Variants in TEX30 observed in about 807,000 individuals in gnomAD.
TEX30 encodes testis-expressed protein 30.
In TEX30, 14 loss-of-function variants were observed where a neutral mutation model predicts 23.8. The ratio of observed to expected loss-of-function variants is 0.59; its 90% CI spans 0.39 to 0.92. The LOEUF is 0.92. Ranked by LOEUF, TEX30 falls within the 40% of genes least tolerant of loss-of-function variation. The pLI is 0.00. For synonymous variants in TEX30, 78 were observed against 90.2 expected (o/e 0.87, Z 0.76); for missense variants, 246 against 270.6 (o/e 0.91, Z 0.64).
Position 102,767,314 on chromosome 13 carries a change from C to T in TEX30, c.463G>A (p.Val155Ile), listed in dbSNP as rs1566425477. ...TCTGCTGAGCCTGACACAAACAGTA[C>T]AGGCTCTTTTAAACGAAAGAGGTCT... ...DEDLFRLKEPVLFVSGSADEM... is the reference protein window; with the variant it reads ...DEDLFRLKEPILFVSGSADEM... Residue 155 changes from valine (V) to isoleucine (I), a missense_variant, in exon 5 of 6, where the codon GTA becomes ATA. Val to Ile is a conservative substitution (Grantham distance 29). Coordinates refer to ENST00000376032, the MANE Select transcript of TEX30 (RefSeq NM_138779.5). 1.2e-6 allele frequency: 2 copies of T among 1,613,994 alleles called. No homozygotes were observed. Among genetic ancestry groups the T allele is most frequent in the Admixed American group, 1.7e-5 (1 of 60,030 alleles).
chr13:102,770,391 A>C (rs573801032), intron 1 of TEX30: 6 of 165,252 alleles, frequency 3.6e-5, no homozygotes, highest in Non-Finnish European at 7.8e-5. Context: ...ATAAATACAC[A>C]TTTTTGTAAG....
Position 102,767,285 on chromosome 13 carries a change from T to A in TEX30, c.492A>T (p.Glu164Asp). ...AGTTATAATTCACCTTTTCACACAT[T>A]TCATCTGCTGAGCCTGACACAAACA... ...PVLFVSGSAD[E>D]MCEKNLLEKV... The change falls in exon 5 of 6, where the codon GAA (glutamate) becomes GAT (aspartate). Residue 164 changes from glutamate (E) to aspartate (D), a missense_variant. By Grantham distance (45) the Glu-to-Asp change is conservative. Coordinates refer to ENST00000376032, the MANE Select transcript of TEX30 (RefSeq NM_138779.5). 6.2e-7 allele frequency: 1 copy of A among 1,613,542 alleles called. No individual in the cohort carries two copies. Among genetic ancestry groups the A allele is most frequent in the Non-Finnish European group, 8.5e-7 (1 of 1,179,870 alleles).
At position 102,766,124 on chromosome 13, in the gene TEX30, T is replaced by C. The variant is rs1029166473; in HGVS notation, c.*277A>G. 2.9e-5 allele frequency: 6 copies of C among 208,066 alleles called. No homozygotes were observed. Among genetic ancestry groups the C allele is most frequent in the Non-Finnish European group, 5.7e-5 (6 of 105,472 alleles). The allele number at this position is 208,066 out of a possible 1,614,324, so 12.9% of individuals were successfully genotyped here. On this transcript the variant is annotated 3_prime_UTR_variant, in exon 6 of 6. Transcript: ENST00000376032. ...ACAAAAGCACCTTTTTGTAACAAAA[T>C]TCAGATGTTTAATTTTTTTCAAAAC... is the stretch of plus-strand genomic sequence containing the variant.
intron 3 of TEX30, 71 bp downstream of exon 3, chr13:102,769,240 A>C: frequency 8.6e-7 from 1 of 1,156,434 alleles, no homozygotes; most frequent in Non-Finnish European, 1.2e-6. Flanking sequence ...TGACTAATAA[A>C]ATTTATCTTA....
chr13:102,769,612 T>C (rs1171860886), intron 2 of TEX30, 71 bp from the exon 3 acceptor site: 2 of 904,456 alleles, frequency 2.2e-6, no homozygotes, highest in Non-Finnish European at 3.4e-6. Context: ...CAGCTATATA[T>C]ATGTTTGCTC....
intron 5 of TEX30, among the ~76,000 whole-genome samples, 182 bp from the exon 6 acceptor site, chr13:102,766,762 G>A (rs1876917040): frequency 6.6e-6 from 1 of 152,154 alleles, no homozygotes; most frequent in Non-Finnish European, 1.5e-5. Context: ...ACTTCTCTCA[G>A]CTGTAGCAGT....
Position 102,769,991 on chromosome 13 carries a change from CAG to C in TEX30, c.15+19_15+20del. 1 of 1,441,090 alleles carries C rather than the reference CAG, an allele frequency of 6.9e-7. No homozygotes were observed. The highest frequency in any genetic ancestry group is 9.1e-7 in the Non-Finnish European group (1 of 1,094,620). The allele number at this position is 1,441,090 out of a possible 1,614,324, so 89.3% of individuals were successfully genotyped here. ...CAAAAAACCAGGAACCCTGAAGATG[CAG>C]AACATACGAAAATATTACCTCTGTA... On this transcript the variant is annotated intron_variant, in intron 2 of 5. Transcript: ENST00000376032.
intron 3 of TEX30, 30 bp downstream of exon 3, chr13:102,769,281 T>C: frequency 7.2e-7 from 1 of 1,379,762 alleles, no homozygotes; most frequent in Non-Finnish European, 9.8e-7. Flanking sequence ...CAGAATTCTG[T>C]TATAAGTAAA....
intron 1 of TEX30, among the ~76,000 whole-genome samples, chr13:102,772,587 T>A (rs545611689): frequency 1.3e-5 from 2 of 152,280 alleles, no homozygotes; most frequent in Admixed American, 1.3e-4. Context: ...TCTGGGTTTG[T>A]TTTTTTGAGA....
rs981039290 is a variant in TEX30 at position 102,766,416 on chromosome 13, G to A, written c.669C>T (p.Asp223=). Residue 223 remains aspartate (D), a synonymous_variant, in exon 6 of 6, where the codon GAC becomes GAT. Coordinates refer to ENST00000376032, the MANE Select transcript of TEX30 (RefSeq NM_138779.5). ...LFWIQEITEM[D]KKCH ...TGGCTTTTAACTAATGACATTTCTTGTCCATTTCAGTAATTTCTTGGATCC... is the reference window on the plus strand; with the variant it reads ...TGGCTTTTAACTAATGACATTTCTTATCCATTTCAGTAATTTCTTGGATCC... 6.2e-6 allele frequency: 10 copies of A among 1,613,368 alleles called. No homozygotes were observed. The highest frequency in any genetic ancestry group is 8.5e-6 in the Non-Finnish European group (10 of 1,179,640).
intron 5 of TEX30, 84 bp downstream of exon 5, chr13:102,767,189 C>T: frequency 7.2e-7 from 1 of 1,391,966 alleles, no homozygotes. Flanking sequence ...TTTTAAAAGA[C>T]ACTGTTGCCA....
At chr13:102,767,628 C>G (rs570757548) in intron 4 of TEX30, 150 bp from the exon 5 acceptor site, 1 of 837,976 alleles carries the variant, frequency 1.2e-6, no homozygotes, top group African/African-American at 1.7e-5. Flanking sequence ...AGTTGCAATA[C>G]CAGGCCAGGC....
At position 102,769,500 on chromosome 13, in the gene TEX30, A is replaced by G. The variant is rs137956058; in HGVS notation, c.57T>C (p.Ala19=). The G allele has an allele frequency of 2.5e-4, 394 of 1,605,402 alleles. 1 individual carries two copies. In the African/African-American group the frequency reaches 5.0e-3, roughly 21 times the overall value. ...AGCTCTTGTTAGGTACCAAACAAAC[A>G]GCATCTAGTAATTTATTTCCAAAAG... ...KIPFGNKLLD[A]VCLVPNKSLT... is the part of the protein sequence containing the mutation. Residue 19 remains alanine (A), a synonymous_variant, in exon 3 of 6, where the codon GCT becomes GCC. Transcript: ENST00000376032.
At chr13:102,767,632 G>C (rs1259907357) in intron 4 of TEX30, among the ~76,000 whole-genome samples, 154 bp from the exon 5 acceptor site, 1 of 152,136 alleles carries the variant, frequency 6.6e-6, no homozygotes, top group Admixed American at 6.5e-5. Context: ...GCAATACCAG[G>C]CCAGGCACGG....
Position 102,769,294 on chromosome 13 carries a change from TAAAG to T in TEX30, c.246+13_246+16del, listed in dbSNP as rs575853985. On this transcript the variant is annotated intron_variant, in intron 3 of 5. Transcript: ENST00000376032. ...AACAGAATTCTGTTATAAGTAAATA[TAAAG>T]AAATTTTCTTACCAAAACTGATTTA... 415 of 1,450,788 alleles carry T rather than the reference TAAAG, an allele frequency of 2.9e-4. 2 individuals are homozygous for T. The African/African-American group carries it at 4.9e-3, about 17-fold the overall frequency. The allele number at this position is 1,450,788 out of a possible 1,614,324, so 89.9% of individuals were successfully genotyped here. A position where few individuals can be genotyped will look rare whatever the true frequency, so the allele number is the denominator to read the frequency against.
At position 102,770,083 on chromosome 13, in the gene TEX30, C is replaced by G; in HGVS notation, c.-57G>C. ...TTTACATCTGAGAAGCAAAGGACAT[C>G]TCCCTGAAAAGAAGATTCTGTTGTG... On this transcript the variant is annotated 5_prime_UTR_variant, in exon 2 of 6. Transcript: ENST00000376032. 8.0e-7 allele frequency: 1 copy of G among 1,247,564 alleles called. No homozygotes were observed. Among genetic ancestry groups the G allele is most frequent in the Non-Finnish European group, 1.0e-6 (1 of 964,254 alleles). The allele number at this position is 1,247,564 out of a possible 1,614,324, so 77.3% of individuals were successfully genotyped here. A position where few individuals can be genotyped will look rare whatever the true frequency, so the allele number is the denominator to read the frequency against.
In TEX30 at chr13:102,766,577, AGTTCT is replaced by A; in HGVS notation, c.505-2_507del. The A allele has an allele frequency of 6.2e-7, 1 of 1,611,310 alleles. No homozygotes were observed. Among genetic ancestry groups the A allele is most frequent in the South Asian group, 1.1e-5 (1 of 90,474 alleles). Reference sequence around the variant, plus strand: ...ATTTTCTGTGCCACTTTCTCCAACAAGTTCTAAAGAGAAAAAGAAGAGGATACTAG... The same window carrying A: ...ATTTTCTGTGCCACTTTCTCCAACAAAAAGAGAAAAAGAAGAGGATACTAG... On this transcript the variant is annotated splice_acceptor_variant and coding_sequence_variant, in exon 6 of 6. Coordinates refer to ENST00000376032, the MANE Select transcript of TEX30 (RefSeq NM_138779.5). LOFTEE classifies it high-confidence loss of function.
At chr13:102,767,611 A>G (rs974795384) in intron 4 of TEX30, 133 bp from the exon 5 acceptor site, 6 of 979,028 alleles carry the variant, frequency 6.1e-6, no homozygotes, top group South Asian at 1.6e-5. Context: ...AAAGGCAGCA[A>G]TTAACAAGTT....
chr13:102,770,924 A>G (rs1253258099), intron 1 of TEX30: 1 of 152,212 alleles, frequency 6.6e-6, no homozygotes, highest in Non-Finnish European at 1.5e-5. Context: ...GACATTACCA[A>G]CATCAGGATC....
Sources: gnomAD v4.1 joint callset for allele counts (sites outside exome capture counted in the v4.1 genomes callset) on GRCh38, gnomAD v4.1.1 for gene constraint, MANE v1.5 for transcripts, NCBI Gene and HGNC (gene_info 2026-07-23, HGNC 2026-07-21) for gene names.